SLAIN1: variants seen among roughly 807,000 people sequenced by gnomAD.
The protein encoded by SLAIN1 is SLAIN motif-containing protein 1.
Under a neutral mutation model 55.4 loss-of-function variants are expected in SLAIN1, and 17 were observed. That is an observed-to-expected ratio of 0.31 (90% CI 0.21 to 0.46). The LOEUF (loss-of-function observed/expected upper bound fraction) is 0.46. Among genes scored for constraint, SLAIN1 ranks in the 20% least tolerant of loss-of-function variants. The pLI, the probability that SLAIN1 is intolerant of heterozygous loss-of-function variation, is 1.00. For synonymous variants in SLAIN1, 348 were observed against 337.4 expected, an observed-to-expected ratio of 1.03 and a Z score of -0.35; for missense variants, 682 against 785.1, an observed-to-expected ratio of 0.87 and a Z score of 1.57.
At chr13:77,736,922 T>G (rs1430668276) in intron 2 of SLAIN1, among the ~76,000 whole-genome samples, 1 of 152,016 alleles carries the variant, frequency 6.6e-6, no homozygotes, top group Non-Finnish European at 1.5e-5. Flanking sequence ...CAGTCCCTTC[T>G]CTTTTCCTTG....
chr13:77,697,879 A>C lies in SLAIN1; in HGVS notation c.-35A>C. On this transcript the variant is annotated 5_prime_UTR_variant, in exon 1 of 7. Coordinates refer to ENST00000418532, the MANE Select transcript of SLAIN1 (RefSeq NM_001242868.2). ...CCGAGGAGCCGGCGCGGCGGCGCGC[A>C]CTCCCCGGCGGCCGCGGCGCCCTCG... is the stretch of plus-strand genomic sequence containing the variant. 7.7e-7 allele frequency: 1 copy of C among 1,294,986 alleles called. No individual in the cohort carries two copies. 80.2% of individuals were successfully genotyped at this position (1,294,986 alleles called of 1,614,324 possible).
intron 6 of SLAIN1, among the ~76,000 whole-genome samples, chr13:77,762,600 A>G (rs926600661): frequency 1.3e-5 from 2 of 151,996 alleles, no homozygotes; most frequent in African/African-American, 4.8e-5. Flanking sequence ...AGGTCTTGCT[A>G]TGTTGCCCAA....
chr13:77,716,184 A>G (rs1459052159), intron 1 of SLAIN1, among the ~76,000 whole-genome samples: 3 of 151,162 alleles, frequency 2.0e-5, no homozygotes, highest in Non-Finnish European at 4.4e-5. Flanking sequence ...TTAAAAGACT[A>G]TCCTTTAAAT....
intron 2 of SLAIN1, among the ~76,000 whole-genome samples, chr13:77,736,610 A>G (rs938104917): frequency 1.1e-4 from 17 of 152,034 alleles, no homozygotes; most frequent in African/African-American, 3.9e-4. Context: ...CTTTTTCCTC[A>G]CCTTATATCT....
At chr13:77,724,299 C>G (rs1426161742) in intron 2 of SLAIN1, among the ~76,000 whole-genome samples, 1 of 152,070 alleles carries the variant, frequency 6.6e-6, no homozygotes, top group Non-Finnish European at 1.5e-5. Flanking sequence ...CCACAAAACT[C>G]CCTACCCTCT....
At chr13:77,709,452 A>T (rs911846795) in intron 1 of SLAIN1, among the ~76,000 whole-genome samples, 2 of 152,184 alleles carry the variant, frequency 1.3e-5, no homozygotes, top group African/African-American at 2.4e-5. Flanking sequence ...TCCAAGACAC[A>T]AAATTGTCAG....
intron 2 of SLAIN1, among the ~76,000 whole-genome samples, chr13:77,720,311 T>C (rs2091249300): frequency 6.6e-6 from 1 of 152,158 alleles, no homozygotes; most frequent in East Asian, 1.9e-4. Flanking sequence ...TCTGGGCATC[T>C]GTTTGATCCT....
At position 77,760,828 on chromosome 13, in the gene SLAIN1, T is replaced by C; in HGVS notation, c.1415T>C (p.Ile472Thr). ...GNGISRIQSC[I>T]PSPGQLQHRV... ...ACATGAATATCATTTTCTCTTCTAG[T>C]TCCATCACCGGGACAGCTTCAACAC... Residue 472 changes from isoleucine (I) to threonine (T), a missense_variant and splice_region_variant, in exon 6 of 7, where the codon ATT becomes ACT. This residue lies in a region of SLAIN1 where 244 missense variants were observed against 295.2 expected (regional missense o/e 0.83). Transcript: ENST00000418532. 6.2e-7 allele frequency: 1 copy of C among 1,612,622 alleles called. No individual in the cohort carries two copies.
At chr13:77,747,312 G>A (rs994401454) in intron 4 of SLAIN1, among the ~76,000 whole-genome samples, 1 of 152,036 alleles carries the variant, frequency 6.6e-6, no homozygotes. Flanking sequence ...GACCTTCTCA[G>A]TTTGGTCTAA....
At chr13:77,730,667 T>A (rs1872813067) in intron 2 of SLAIN1, among the ~76,000 whole-genome samples, 1 of 152,200 alleles carries the variant, frequency 6.6e-6, no homozygotes, top group African/African-American at 2.4e-5. Context: ...TTTAATTTTT[T>A]TCTACTGTCA....
In SLAIN1 at chr13:77,726,669, C is replaced by CT. The variant is rs199683097; in HGVS notation, c.766+6999dup. Among the ~76,000 whole-genome samples, 654 of 152,284 alleles carry CT rather than the reference C, an allele frequency of 4.3e-3. 18 individuals are homozygous for CT. Among genetic ancestry groups the CT allele is most frequent in the Admixed American group, 0.039 (596 of 15,286 alleles). On this transcript the variant is annotated intron_variant, in intron 2 of 6. Transcript: ENST00000418532. ...TCCTGGGCTCAAGCAATCTGCCCACCTGGCCTCCCTGTGCTGGGATTATAG... is the reference window on the plus strand; with the variant it reads ...TCCTGGGCTCAAGCAATCTGCCCACCTTGGCCTCCCTGTGCTGGGATTATAG...
intron 3 of SLAIN1, among the ~76,000 whole-genome samples, chr13:77,745,649 A>G (rs779916191): frequency 1.3e-5 from 2 of 152,166 alleles, no homozygotes; most frequent in Non-Finnish European, 2.9e-5. Context: ...TCATTTAAGC[A>G]TAATAATTTC....
rs2090993493 is a variant in SLAIN1 at position 77,698,198 on chromosome 13, CCTGGGGCTCGGG to C, written c.290_301del (p.Gly97_Leu100del). The C allele has an allele frequency of 8.1e-7, 1 of 1,228,046 alleles. No homozygotes were observed. Among genetic ancestry groups the C allele is most frequent in the Non-Finnish European group, 1.0e-6 (1 of 987,990 alleles). The allele number at this position is 1,228,046 out of a possible 1,614,324, so 76.1% of individuals were successfully genotyped here. ...CGGCCACCGCCGCGGCCTCAGGGGG[CCTGGGGCTCGGG>C]CTGGCGCTGGGCGCGGGGGGCGGTG... On this transcript the variant is annotated inframe_deletion, in exon 1 of 7. Transcript: ENST00000418532. The surrounding 1 kb of genome is among the most constrained non-coding windows in gnomAD (Gnocchi z 4.1).
At chr13:77,741,450 G>C in intron 2 of SLAIN1, 1 of 987,276 alleles carries the variant, frequency 1.0e-6, no homozygotes, top group South Asian at 4.7e-5. Flanking sequence ...TGTAAGTTAC[G>C]GGTTGGATAA....
chr13:77,711,645 T>C (rs1422298659), intron 1 of SLAIN1, among the ~76,000 whole-genome samples: 6 of 152,056 alleles, frequency 3.9e-5, no homozygotes, highest in Non-Finnish European at 1.5e-5. Context: ...CTACCAGAGG[T>C]GCAAAGAGGA....
chr13:77,711,843 C>A (rs922308656), intron 1 of SLAIN1, among the ~76,000 whole-genome samples: 1 of 152,112 alleles, frequency 6.6e-6, no homozygotes, highest in Non-Finnish European at 1.5e-5. Context: ...ACTGGCAAAT[C>A]GAATCCAACA....
Position 77,697,937 on chromosome 13 carries a change from C to T in SLAIN1, c.24C>T (p.Cys8=). Residue 8 remains cysteine, a synonymous_variant, in exon 1 of 7, where the codon TGC becomes TGT. Transcript: ENST00000418532. ...CGATGATGGCGGAGCAGGTGAAATG[C>T]GCCTCGGCAGGGGTCAGCTCTGGAG... MMAEQVK[C]ASAGVSSGAG... is the part of the protein sequence containing the mutation. The T allele has an allele frequency of 4.2e-6, 6 of 1,421,968 alleles. No individual in the cohort carries two copies. The highest frequency in any genetic ancestry group is 3.4e-5 in the East Asian group (1 of 29,656). 88.1% of individuals were successfully genotyped at this position (1,421,968 alleles called of 1,614,324 possible). A position where few individuals can be genotyped will look rare whatever the true frequency, so the allele number is the denominator to read the frequency against.
intron 2 of SLAIN1, among the ~76,000 whole-genome samples, chr13:77,722,502 A>G (rs1146913): frequency 0.13 from 19,879 of 152,094 alleles, 2,340 homozygotes; most frequent in African/African-American, 0.32. Context: ...TTTTGGTTTT[A>G]CTGTTTACCT....
chr13:77,761,089 A>G lies in SLAIN1; in HGVS notation c.1676A>G (p.Lys559Arg). 1.2e-6 allele frequency: 2 copies of G among 1,614,174 alleles called. No individual in the cohort carries two copies. Among genetic ancestry groups the G allele is most frequent in the Non-Finnish European group, 8.5e-7 (1 of 1,180,012 alleles). The change falls in exon 6 of 7, where the codon AAA becomes AGA. Residue 559 changes from lysine (K) to arginine (R), a missense_variant. This residue lies in a region of SLAIN1 where 244 missense variants were observed against 295.2 expected (regional missense o/e 0.83). Transcript: ENST00000418532. Reference sequence around the variant, plus strand: ...AATGGGAGTAACCTGCCTCGAAGCAAAATTGCACAACCTGTTAGAAGGTAA... The same window carrying G: ...AATGGGAGTAACCTGCCTCGAAGCAGAATTGCACAACCTGTTAGAAGGTAA... ...AINGSNLPRSKIAQPVRSFLQ... is the reference protein window; with the variant it reads ...AINGSNLPRSRIAQPVRSFLQ...
Sources: gnomAD v4.1 joint callset for allele counts (sites outside exome capture counted in the v4.1 genomes callset) on GRCh38, gnomAD v4.1.1 for gene constraint, gnomAD v4.1.1 regional missense constraint, Gnocchi (gnomAD v3.1) non-coding constraint, MANE v1.5 for transcripts, NCBI Gene and HGNC (gene_info 2026-07-23, HGNC 2026-07-21) for gene names.